Variants in PRKAR2A observed in about 807,000 individuals in gnomAD.
PRKAR2A encodes the protein protein kinase cAMP-dependent type II regulatory subunit alpha.
In PRKAR2A, 29 loss-of-function variants were observed where a neutral mutation model predicts 51.9. The observed-to-expected ratio is 0.56, with a 90% CI of 0.42 to 0.76. The LOEUF is 0.76. Among genes scored for constraint, PRKAR2A ranks in the 30% least tolerant of loss-of-function variants. The pLI is 0.00. For synonymous variants in PRKAR2A, 178 were observed against 186.2 expected (o/e 0.96, Z 0.36); for missense variants, 445 against 512.1 (o/e 0.87, Z 1.26).
intron 5 of PRKAR2A, among the ~76,000 whole-genome samples, chr3:48,777,686 T>G (rs1427750935): frequency 6.6e-6 from 1 of 152,186 alleles, no homozygotes; most frequent in Admixed American, 6.6e-5. Context: ...ATTACAAGTG[T>G]GAGGCACCGC....
At chr3:48,756,278 C>T in intron 9 of PRKAR2A, 101 bp downstream of exon 9, 1 of 1,041,550 alleles carries the variant, frequency 9.6e-7, no homozygotes, top group South Asian at 1.3e-5. Flanking sequence ...ACACACCTCA[C>T]ATAACAATGA....
chr3:48,792,652 G>A (rs1212317130), intron 3 of PRKAR2A, among the ~76,000 whole-genome samples: 1 of 151,134 alleles, frequency 6.6e-6, no homozygotes, highest in Non-Finnish European at 1.5e-5. Flanking sequence ...GTAGAGACAA[G>A]GTTTCGCCAT....
intron 1 of PRKAR2A, among the ~76,000 whole-genome samples, chr3:48,828,581 G>A (rs1319081762): frequency 6.6e-6 from 1 of 151,688 alleles, no homozygotes; most frequent in South Asian, 2.1e-4. Flanking sequence ...AACTAGCTAA[G>A]TGTGGTGGCC....
chr3:48,767,370 T>C (rs1407440565), intron 6 of PRKAR2A, among the ~76,000 whole-genome samples: 1 of 151,952 alleles, frequency 6.6e-6, no homozygotes, highest in Non-Finnish European at 1.5e-5. Context: ...TCCCAGCTTC[T>C]TGGGACGCTG....
chr3:48,786,522 G>A (rs2082296107), intron 4 of PRKAR2A, among the ~76,000 whole-genome samples: 1 of 150,554 alleles, frequency 6.6e-6, no homozygotes, highest in Non-Finnish European at 1.5e-5. Flanking sequence ...TGGGGGCCGG[G>A]CGCGGTGGCT....
At chr3:48,758,262 AAAAAAAAG>A (rs1226507759) in intron 8 of PRKAR2A, among the ~76,000 whole-genome samples, 3 of 150,602 alleles carry the variant, frequency 2.0e-5, no homozygotes, top group African/African-American at 4.9e-5. Flanking sequence ...CATCTCAAAA[AAAAAAAAG>A]AAAAAAAGAA....
At chr3:48,788,180 G>A (rs551393048) in intron 4 of PRKAR2A, among the ~76,000 whole-genome samples, 5 of 152,128 alleles carry the variant, frequency 3.3e-5, no homozygotes, top group African/African-American at 7.2e-5. Context: ...ACAGGTGCGC[G>A]CCACCACGCC....
intron 6 of PRKAR2A, among the ~76,000 whole-genome samples, chr3:48,768,356 G>T (rs149044789): frequency 1.3e-5 from 2 of 149,764 alleles, no homozygotes; most frequent in Admixed American, 1.3e-4. Flanking sequence ...GACAGACAGA[G>T]AGACAGACAG....
At chr3:48,807,746 C>T in intron 1 of PRKAR2A, 62 bp from the exon 2 acceptor site, 2 of 1,448,032 alleles carry the variant, frequency 1.4e-6, no homozygotes, top group East Asian at 2.3e-5. Context: ...TTTTATCCTC[C>T]CTTTTTGCAA....
At chr3:48,804,187 G>A (rs2082634323) in intron 2 of PRKAR2A, among the ~76,000 whole-genome samples, 1 of 152,120 alleles carries the variant, frequency 6.6e-6, no homozygotes, top group Admixed American at 6.6e-5. Context: ...AAGGCCAGGT[G>A]TGGTGGCTCA....
Position 48,751,612 on chromosome 3 carries a change from G to A in PRKAR2A, c.1188C>T (p.Ser396=), listed in dbSNP as rs779242095. Residue 396 remains serine, a synonymous_variant, in exon 11 of 11, where the codon AGC becomes AGT. Transcript: ENST00000265563. ...EEQLVKMFGS[S]VDLGNLGQ is the part of the protein sequence containing the mutation. ...ACTGCCCGAGGTTGCCCAGATCCAC[G>A]CTGGAGCCAAACATCTTCACCAGCT... 12 of 1,613,152 alleles carry A rather than the reference G, an allele frequency of 7.4e-6. No homozygotes were observed. Among genetic ancestry groups the A allele is most frequent in the South Asian group, 4.4e-5 (4 of 91,048 alleles).
chr3:48,773,329 A>ATTTTC (rs1218950850), intron 5 of PRKAR2A, among the ~76,000 whole-genome samples: 4 of 134,610 alleles, frequency 3.0e-5, no homozygotes, highest in East Asian at 2.2e-4. Context: ...CATTCTTGGA[A>ATTTTC]TTTTCTTTTC....
At chr3:48,762,965 T>A (rs2081885543) in intron 8 of PRKAR2A, among the ~76,000 whole-genome samples, 1 of 152,148 alleles carries the variant, frequency 6.6e-6, no homozygotes, top group African/African-American at 2.4e-5. Context: ...ATCAATGGTT[T>A]CCAGGAATGT....
At chr3:48,754,515 G>A (rs887886544) in intron 9 of PRKAR2A, among the ~76,000 whole-genome samples, 3 of 152,058 alleles carry the variant, frequency 2.0e-5, no homozygotes, top group African/African-American at 7.2e-5. Context: ...GCTCATGCCT[G>A]TAATCCCAGC....
intron 1 of PRKAR2A, among the ~76,000 whole-genome samples, chr3:48,842,936 G>A (rs2083403288): frequency 1.3e-5 from 2 of 152,162 alleles, no homozygotes; most frequent in African/African-American, 2.4e-5. Context: ...CATAAAATGA[G>A]TTAGGGAGGA....
Position 48,751,702 on chromosome 3 carries a change from T to C in PRKAR2A, c.1098A>G (p.Ala366=), listed in dbSNP as rs2081650792. The change falls in exon 11 of 11, where the codon GCA becomes GCG. Residue 366 remains alanine, a synonymous_variant. Coordinates refer to ENST00000265563, the MANE Select transcript of PRKAR2A (RefSeq NM_004157.4). ...TGCAGGGCCCCAGAAGCCTCTCGAA[T>C]GCTTGTACATCCATAACTGCATTGT... ...DVKCLVMDVQ[A]FERLLGPCMD... is the part of the protein sequence containing the mutation. The C allele has an allele frequency of 1.9e-6, 3 of 1,612,852 alleles. No individual in the cohort carries two copies. The highest frequency in any genetic ancestry group is 2.2e-5 in the South Asian group (2 of 91,062).
intron 1 of PRKAR2A, among the ~76,000 whole-genome samples, chr3:48,822,021 C>G (rs971536041): frequency 6.7e-6 from 1 of 150,126 alleles, no homozygotes; most frequent in Non-Finnish European, 1.5e-5. Flanking sequence ...GATGTCAGTT[C>G]GAGACCAGCC....
At chr3:48,789,107 C>T (rs2082341382) in intron 4 of PRKAR2A, among the ~76,000 whole-genome samples, 1 of 152,118 alleles carries the variant, frequency 6.6e-6, no homozygotes, top group Non-Finnish European at 1.5e-5. Context: ...AAATTCAGAC[C>T]CTCCTAACTA....
At chr3:48,791,466 TGCCAGTAATCCTA>T (rs2082384776) in intron 3 of PRKAR2A, among the ~76,000 whole-genome samples, 2 of 148,730 alleles carry the variant, frequency 1.3e-5, no homozygotes, top group South Asian at 2.1e-4. Context: ...TGGTGGCGCA[TGCCAGTAATCCTA>T]GCTACTCGGG....
Sources: gnomAD v4.1 joint callset for allele counts (sites outside exome capture counted in the v4.1 genomes callset) on GRCh38, gnomAD v4.1.1 for gene constraint, MANE v1.5 for transcripts, NCBI Gene and HGNC (gene_info 2026-07-23, HGNC 2026-07-21) for gene names.